Variants in FYB1 observed in about 807,000 individuals in gnomAD.
FYB1 encodes the protein FYN-binding protein 1.
A neutral mutation model predicts 94.1 loss-of-function variants in FYB1; 41 were observed. The observed-to-expected ratio is 0.44, with a 90% CI of 0.34 to 0.57. FYB1 has a LOEUF of 0.57. Ranked by LOEUF, FYB1 falls within the 20% of genes least tolerant of loss-of-function variation. The probability of loss-of-function intolerance (pLI) is 0.02; values close to 1 mark genes in which losing one functional copy is unlikely to be tolerated. For missense variants in FYB1, 1,050 were observed against 976.8 expected, an observed-to-expected ratio of 1.07 and a Z score of -1.00; for synonymous variants, 367 against 353.2, an observed-to-expected ratio of 1.04 and a Z score of -0.44.
rs149417540 is a variant in FYB1 at position 39,240,429 on chromosome 5, C to A, written c.-28+33974G>T. On this transcript the variant is annotated intron_variant, in intron 1 of 1. Transcript: ENST00000510188. ...AAATGTTTGCAAACTATGCACCTGA[C>A]AAAGGTCTAACATCAAGAATCTACA... Among the ~76,000 whole-genome samples, 936 of 152,224 alleles carry A rather than the reference C, an allele frequency of 6.1e-3. 23 individuals are homozygous for A. Among genetic ancestry groups the A allele is most frequent in the South Asian group, 0.056 (269 of 4,826 alleles).
At chr5:39,111,756 CT>C (rs1739095900) in intron 16 of FYB1, among the ~76,000 whole-genome samples, 1 of 151,518 alleles carries the variant, frequency 6.6e-6, no homozygotes, top group African/African-American at 2.4e-5. Context: ...GTATAAAAAA[CT>C]AGAAGTAGGA....
At chr5:39,224,495 T>C (rs541382229), upstream of FYB1, among the ~76,000 whole-genome samples, 2 of 152,300 alleles carry the variant, frequency 1.3e-5, no homozygotes, top group Non-Finnish European at 2.9e-5. Context: ...CCAACATATA[T>C]TGACTTGTCA....
intron 2 of FYB1, among the ~76,000 whole-genome samples, chr5:39,175,740 T>C (rs1745660669): frequency 6.6e-6 from 1 of 151,836 alleles, no homozygotes; most frequent in Non-Finnish European, 1.5e-5. Context: ...TGCCTCCAAA[T>C]GGGGGTAGGC....
chr5:39,230,101 A>G (rs758664714), intron 1 of FYB1, among the ~76,000 whole-genome samples: 3 of 152,212 alleles, frequency 2.0e-5, no homozygotes, highest in Non-Finnish European at 4.4e-5. Flanking sequence ...GTCCACCTCC[A>G]TATCCCAGGA....
intron 13 of FYB1, among the ~76,000 whole-genome samples, chr5:39,122,999 G>A (rs1740271510): frequency 6.6e-6 from 1 of 152,110 alleles, no homozygotes; most frequent in Admixed American, 6.6e-5. Context: ...TGGCAGAAAA[G>A]TTGTCATGAT....
intron 1 of FYB1, among the ~76,000 whole-genome samples, chr5:39,215,711 C>G (rs1176228052): frequency 6.6e-6 from 1 of 152,154 alleles, no homozygotes; most frequent in African/African-American, 2.4e-5. Context: ...ATTGGGGCAC[C>G]TTTTGGTGGA....
intron 5 of FYB1, chr5:39,138,911 T>G (rs1741901690): frequency 1.7e-6 from 1 of 580,884 alleles, no homozygotes; most frequent in Non-Finnish European, 3.1e-6. Flanking sequence ...TGTATGTAAG[T>G]TTGGCTTATT....
chr5:39,110,440 C>T (rs1738965375), intron 16 of FYB1, 51 bp from the exon 17 acceptor site: 3 of 1,180,178 alleles, frequency 2.5e-6, no homozygotes, highest in South Asian at 1.4e-5. Flanking sequence ...GTTGAAAAAT[C>T]TTTAGTACTT....
At chr5:39,230,874 CACACAT>C (rs1385240848) in intron 1 of FYB1, among the ~76,000 whole-genome samples, 4 of 150,082 alleles carry the variant, frequency 2.7e-5, no homozygotes, top group Non-Finnish European at 4.5e-5. Flanking sequence ...CACACACACA[CACACAT>C]ATATATACAC....
intron 2 of FYB1, among the ~76,000 whole-genome samples, chr5:39,199,930 A>C (rs557614417): frequency 2.6e-5 from 4 of 152,386 alleles, no homozygotes; most frequent in African/African-American, 9.6e-5. Context: ...GTTATGAATC[A>C]GATTGCTTAA....
At position 39,110,358 on chromosome 5, in the gene FYB1, G is replaced by A; in HGVS notation, c.2433C>T (p.Asp811=). ...YGYVLRSYLA[D]NDGEIYDDIA... ...GTAGTAGAAGAAAATGGGCTTACTT[G>A]TCCGCTAGGTAACTCCGAAGGACAT... The change falls in exon 17 of 19, where the codon GAC becomes GAT. Residue 811 remains aspartate (D), a splice_region_variant and synonymous_variant. Coordinates refer to ENST00000512982, the MANE Select transcript of FYB1 (RefSeq NM_001465.6). 6.3e-7 allele frequency: 1 copy of A among 1,592,626 alleles called. No individual in the cohort carries two copies. Among genetic ancestry groups the A allele is most frequent in the Non-Finnish European group, 8.6e-7 (1 of 1,165,880 alleles).
At chr5:39,236,428 T>C (rs1750970588) in intron 1 of FYB1, among the ~76,000 whole-genome samples, 1 of 152,098 alleles carries the variant, frequency 6.6e-6, no homozygotes, top group Non-Finnish European at 1.5e-5. Context: ...ATATAGGCCA[T>C]TAATGTAGAT....
chr5:39,267,958 T>C (rs1752500812), intron 1 of FYB1, among the ~76,000 whole-genome samples: 1 of 152,178 alleles, frequency 6.6e-6, no homozygotes, highest in Non-Finnish European at 1.5e-5. Flanking sequence ...TCCAACTCTA[T>C]GGAACTGATT....
At chr5:39,183,978 A>C (rs1746501469) in intron 2 of FYB1, among the ~76,000 whole-genome samples, 1 of 152,182 alleles carries the variant, frequency 6.6e-6, no homozygotes, top group African/African-American at 2.4e-5. Context: ...GGTAAAAAGG[A>C]AATTTTATAA....
chr5:39,232,568 C>CT (rs1336076730), intron 1 of FYB1, among the ~76,000 whole-genome samples: 2 of 149,236 alleles, frequency 1.3e-5, no homozygotes, highest in South Asian at 4.2e-4. Context: ...ATTTTTTTTG[C>CT]TTTTTTTAAA....
At chr5:39,245,165 A>T (rs1249410997) in intron 1 of FYB1, among the ~76,000 whole-genome samples, 5 of 152,166 alleles carry the variant, frequency 3.3e-5, no homozygotes, top group Admixed American at 6.5e-5. Context: ...GTGTGTGTGT[A>T]GGAGGGAGTG....
intron 1 of FYB1, among the ~76,000 whole-genome samples, chr5:39,244,943 A>G (rs771733880): frequency 5.3e-5 from 8 of 152,088 alleles, no homozygotes; most frequent in Admixed American, 1.3e-4. Context: ...TGATTATAGT[A>G]TTATCTGATG....
intron 7 of FYB1, among the ~76,000 whole-genome samples, chr5:39,135,663 C>T (rs1365848827): frequency 6.6e-6 from 1 of 152,164 alleles, no homozygotes; most frequent in Non-Finnish European, 1.5e-5. Context: ...TGCAAATATG[C>T]ATGACGACTT....
intron 11 of FYB1, among the ~76,000 whole-genome samples, chr5:39,127,392 A>G (rs1042678030): frequency 4.0e-5 from 6 of 150,468 alleles, no homozygotes; most frequent in Middle Eastern, 3.2e-3. Flanking sequence ...GAAAGACTTA[A>G]AAAATATCCA....
Sources: allele counts gnomAD v4.1 joint callset (sites outside exome capture counted in the v4.1 genomes callset), GRCh38; gene constraint gnomAD v4.1.1; transcripts MANE v1.5; gene names NCBI Gene and HGNC (gene_info 2026-07-23, HGNC 2026-07-21).